The following ZNRF1 variants were observed in gnomAD, a reference collection of about 807,000 sequenced individuals.
The protein encoded by ZNRF1 is zinc and ring finger 1.
In ZNRF1, 3 loss-of-function variants were observed where a neutral mutation model predicts 18.4. The observed-to-expected ratio is 0.16, with a 90% CI of 0.07 to 0.42. ZNRF1 has a LOEUF of 0.42. ZNRF1 is among the 10% of genes least tolerant of loss of function. The probability of loss-of-function intolerance (pLI) is 0.99; values close to 1 mark genes in which losing one functional copy is unlikely to be tolerated. For missense variants in ZNRF1, 310 were observed against 329.8 expected (o/e 0.94, Z 0.47); for synonymous variants, 157 against 144.2 (o/e 1.09, Z -0.64).
At chr16:75,106,378 G>T (rs1244748550) in intron 3 of ZNRF1, 104 bp from the exon 4 acceptor site, 1 of 1,195,176 alleles carries the variant, frequency 8.4e-7, no homozygotes, top group Middle Eastern at 1.9e-4. Context: ...TTTCAGAAGA[G>T]ACTTAGGAAG....
At chr16:75,042,263 A>G (rs149589687) in intron 1 of ZNRF1, among the ~76,000 whole-genome samples, 20 of 152,102 alleles carry the variant, frequency 1.3e-4, no homozygotes, top group African/African-American at 4.3e-4. Context: ...TAATTTATCA[A>G]TTTTTTGCTT....
chr16:75,028,958 G>A (rs1000356245), intron 1 of ZNRF1, among the ~76,000 whole-genome samples: 2 of 152,070 alleles, frequency 1.3e-5, no homozygotes, highest in Non-Finnish European at 2.9e-5. Context: ...TGAAAGGCAC[G>A]AAGGCTTAGT....
intron 1 of ZNRF1, among the ~76,000 whole-genome samples, chr16:75,040,810 G>A (rs1280106538): frequency 4.6e-5 from 7 of 151,480 alleles, no homozygotes; most frequent in African/African-American, 9.7e-5. Flanking sequence ...GTTTCATCAC[G>A]TTGGCCAGGC....
Position 75,049,602 on chromosome 16 carries a change from A to G in ZNRF1, c.425-43970A>G, listed in dbSNP as rs372521934. ...ACTTGAGCTCCGGAGTTAGAGACCA[A>G]CCTGGGCAATATGGCGAAACTCCGT... On this transcript the variant is annotated intron_variant, in intron 1 of 4. Transcript: ENST00000335325. 1.2e-4 allele frequency among the ~76,000 whole-genome samples: 19 copies of G among 152,278 alleles called. 2 individuals carry two copies. The highest frequency in any genetic ancestry group is 1.2e-3 in the South Asian group (6 of 4,832).
chr16:75,005,411 A>C (rs1286275214), intron 1 of ZNRF1, among the ~76,000 whole-genome samples: 1 of 152,232 alleles, frequency 6.6e-6, no homozygotes, highest in Non-Finnish European at 1.5e-5. Flanking sequence ...ACAAAGACCC[A>C]CCTCAATATA....
At chr16:75,016,849 G>C (rs2035079691) in intron 1 of ZNRF1, among the ~76,000 whole-genome samples, 1 of 151,902 alleles carries the variant, frequency 6.6e-6, no homozygotes, top group South Asian at 2.1e-4. Flanking sequence ...CCGGCCTACT[G>C]TTTTATTTAC....
intron 1 of ZNRF1, among the ~76,000 whole-genome samples, chr16:75,008,255 C>A (rs1015074747): frequency 1.3e-5 from 2 of 152,174 alleles, no homozygotes; most frequent in African/African-American, 4.8e-5. Flanking sequence ...CAACCAGGAA[C>A]AACATTGTTG....
At chr16:75,018,119 T>C (rs907968117) in intron 1 of ZNRF1, among the ~76,000 whole-genome samples, 5 of 152,210 alleles carry the variant, frequency 3.3e-5, no homozygotes, top group African/African-American at 4.8e-5. Flanking sequence ...CTCACAACAG[T>C]GCCCAGCAGG....
At chr16:75,053,682 G>C (rs1194523735) in intron 1 of ZNRF1, among the ~76,000 whole-genome samples, 1 of 151,492 alleles carries the variant, frequency 6.6e-6, no homozygotes. Context: ...TGATAGATGT[G>C]CCCCATGCTG....
intron 1 of ZNRF1, among the ~76,000 whole-genome samples, chr16:75,008,292 G>T (rs1220083306): frequency 1.3e-5 from 2 of 152,130 alleles, no homozygotes; most frequent in African/African-American, 4.8e-5. Flanking sequence ...CTTTTACATG[G>T]GACTAAGCAT....
intron 1 of ZNRF1, among the ~76,000 whole-genome samples, chr16:75,085,958 G>A (rs577958393): frequency 3.9e-5 from 6 of 152,030 alleles, no homozygotes; most frequent in East Asian, 1.9e-4. Context: ...GTTCCAGTTC[G>A]AGTTTGAAGG....
At chr16:75,052,445 A>C (rs2035618237) in intron 1 of ZNRF1, among the ~76,000 whole-genome samples, 1 of 151,896 alleles carries the variant, frequency 6.6e-6, no homozygotes, top group Non-Finnish European at 1.5e-5. Flanking sequence ...ATGTTACCCC[A>C]CCTGCCTCAC....
rs1371536604 is a variant in ZNRF1 at position 75,104,625 on chromosome 16, C to A, written c.521-159C>A. ...CACGCATTATCTCCACGGTGAAAGTCTTAAGGTCAACGTCCCTCTTGGGGT... is the reference window on the plus strand; with the variant it reads ...CACGCATTATCTCCACGGTGAAAGTATTAAGGTCAACGTCCCTCTTGGGGT... On this transcript the variant is annotated intron_variant, in intron 2 of 4. Transcript: ENST00000335325. 8.6e-6 allele frequency: 5 copies of A among 578,626 alleles called. No homozygotes were observed. In the Admixed American group the frequency reaches 1.6e-4, roughly 18 times the overall value. 35.8% of individuals were successfully genotyped at this position (578,626 alleles called of 1,614,324 possible).
intron 1 of ZNRF1, among the ~76,000 whole-genome samples, chr16:75,057,464 T>A (rs2035683051): frequency 6.6e-6 from 1 of 152,112 alleles, no homozygotes; most frequent in South Asian, 2.1e-4. Context: ...GCTTGGCCTG[T>A]TTGGTGTAGC....
intron 1 of ZNRF1, among the ~76,000 whole-genome samples, chr16:75,060,146 C>G (rs1210586667): frequency 6.6e-6 from 1 of 152,040 alleles, no homozygotes; most frequent in African/African-American, 2.4e-5. Context: ...CTCCGCCTCA[C>G]AGGTTCAAGT....
At chr16:75,087,785 A>G (rs1319016762) in intron 1 of ZNRF1, among the ~76,000 whole-genome samples, 2 of 152,250 alleles carry the variant, frequency 1.3e-5, no homozygotes, top group East Asian at 1.9e-4. Context: ...GTGAACCAGT[A>G]TCAGGCTTGG....
intron 1 of ZNRF1, among the ~76,000 whole-genome samples, chr16:75,011,506 T>C (rs1448481058): frequency 1.3e-5 from 2 of 152,182 alleles, no homozygotes; most frequent in Non-Finnish European, 2.9e-5. Flanking sequence ...TAGCTGGGAC[T>C]GTGGGCACAC....
At chr16:75,062,595 C>T (rs2035757342) in intron 1 of ZNRF1, among the ~76,000 whole-genome samples, 1 of 152,250 alleles carries the variant, frequency 6.6e-6, no homozygotes, top group Non-Finnish European at 1.5e-5. Flanking sequence ...GCCCCCTTAT[C>T]AGGCTTCTCT....
At chr16:75,077,945 G>C (rs1478170253) in intron 1 of ZNRF1, among the ~76,000 whole-genome samples, 1 of 152,154 alleles carries the variant, frequency 6.6e-6, no homozygotes. Context: ...CCTGAATAAG[G>C]TTCTGTATTC....
Sources: gnomAD v4.1 joint callset for allele counts (sites outside exome capture counted in the v4.1 genomes callset) on GRCh38, gnomAD v4.1.1 for gene constraint, MANE v1.5 for transcripts, NCBI Gene and HGNC (gene_info 2026-07-23, HGNC 2026-07-21) for gene names.